The following SCMH1 variants were observed in gnomAD, a reference collection of about 807,000 sequenced individuals.
SCMH1 encodes polycomb protein SCMH1.
In SCMH1, 37 loss-of-function variants were observed where a neutral mutation model predicts 70.8. That is an observed-to-expected ratio of 0.52 (90% CI 0.40 to 0.69). The LOEUF (loss-of-function observed/expected upper bound fraction) is 0.69. Ranked by LOEUF, SCMH1 falls within the 30% of genes least tolerant of loss-of-function variation. The probability of loss-of-function intolerance (pLI) is 0.00; values close to 1 mark genes in which losing one functional copy is unlikely to be tolerated. For synonymous variants in SCMH1, 292 were observed against 307.4 expected, an observed-to-expected ratio of 0.95 and a Z score of 0.52; for missense variants, 607 against 827.3, an observed-to-expected ratio of 0.73 and a Z score of 3.27.
At chr1:41,194,740 A>C (rs1249859224) in intron 1 of SCMH1, among the ~76,000 whole-genome samples, 2 of 151,980 alleles carry the variant, frequency 1.3e-5, no homozygotes, top group Non-Finnish European at 2.9e-5. Flanking sequence ...ATTTGACTTT[A>C]AAGGTGCATC....
chr1:41,194,968 C>G lies in SCMH1; in HGVS notation c.-117-8718G>C, dbSNP rs529529949. On this transcript the variant is annotated intron_variant, in intron 1 of 14. Coordinates refer to ENST00000337495, the Ensembl canonical transcript of SCMH1. ...GCAACCTGGAGAAACCCCATCTCTA[C>G]TAAAAATACAAAATTAGCTGCGCTT... Among the ~76,000 whole-genome samples, 8 of 151,820 alleles carry G rather than the reference C, an allele frequency of 5.3e-5. No homozygotes were observed. In the South Asian group the frequency reaches 1.2e-3, roughly 24 times the overall value.
At chr1:41,075,155 CG>C in intron 9 of SCMH1, 63 bp downstream of exon 9, 1 of 1,520,738 alleles carries the variant, frequency 6.6e-7, no homozygotes, top group South Asian at 1.1e-5. Flanking sequence ...TGAGCCACGG[CG>C]CCTGGCCGAA....
exon 3 of SCMH1, chr1:41,161,379 C>G: frequency 6.4e-7 from 1 of 1,550,480 alleles, no homozygotes; most frequent in South Asian, 1.2e-5. Context: ...TATTGGGATG[C>G]AGACTCTGAT....
chr1:41,173,240 C>CA (rs1446682984), intron 2 of SCMH1, among the ~76,000 whole-genome samples: 1 of 151,374 alleles, frequency 6.6e-6, no homozygotes, highest in Admixed American at 6.6e-5. Flanking sequence ...CAAACAACAG[C>CA]AAAAAACAAA....
At chr1:41,094,280 T>A (rs1664473540) in intron 8 of SCMH1, among the ~76,000 whole-genome samples, 1 of 152,202 alleles carries the variant, frequency 6.6e-6, no homozygotes, top group African/African-American at 2.4e-5. Context: ...GGCAATCAAG[T>A]ATATCATTAC....
rs1660234881 is a variant in SCMH1, at chr1:41,226,155, A to T, written c.-118+15904T>A. On this transcript the variant is annotated intron_variant, in intron 1 of 14. Coordinates refer to ENST00000337495, the Ensembl canonical transcript of SCMH1. ...TTAACAGAATAATTTTATGTCATTA[A>T]ATCTTATAAGATTTTGAGGTTTATA... 3.9e-5 allele frequency among the ~76,000 whole-genome samples: 6 copies of T among 152,338 alleles called. No homozygotes were observed. The South Asian group carries it at 1.2e-3, about 32-fold the overall frequency.
At chr1:41,193,635 T>G (rs1263597240) in intron 1 of SCMH1, among the ~76,000 whole-genome samples, 1 of 152,060 alleles carries the variant, frequency 6.6e-6, no homozygotes, top group South Asian at 2.1e-4. Context: ...GAATTGAACA[T>G]AGAAATGGAA....
rs530963735 is a variant in SCMH1, at chr1:41,055,926, T to C, written c.1106-7036A>G. ...AAAGGATGAGACTTCTGATGGGGCA[T>C]CTTGTGAGGGCAAGAATAAATTTTG... On this transcript the variant is annotated intron_variant, in intron 10 of 14. Transcript: ENST00000337495. Among the ~76,000 whole-genome samples the C allele has an allele frequency of 8.5e-4, 130 of 152,316 alleles. 1 individual carries two copies. Among genetic ancestry groups the C allele is most frequent in the African/African-American group, 2.7e-3 (113 of 41,576 alleles).
intron 8 of SCMH1, among the ~76,000 whole-genome samples, chr1:41,075,728 G>A (rs1175502734): frequency 6.6e-6 from 1 of 152,174 alleles, no homozygotes; most frequent in Non-Finnish European, 1.5e-5. Context: ...AGTCAAAGGT[G>A]AAGTATATAA....
intron 2 of SCMH1, among the ~76,000 whole-genome samples, chr1:41,170,769 C>T (rs1041383022): frequency 6.6e-6 from 1 of 152,100 alleles, no homozygotes; most frequent in Non-Finnish European, 1.5e-5. Flanking sequence ...ACAGTTATTG[C>T]TACCTCACAG....
chr1:41,213,929 G>A (rs1176057293), intron 1 of SCMH1, among the ~76,000 whole-genome samples: 1 of 151,960 alleles, frequency 6.6e-6, no homozygotes, highest in Non-Finnish European at 1.5e-5. Flanking sequence ...TGAAGCTGCT[G>A]TCTCAAAGCT....
At chr1:41,204,616 C>T (rs1402723645) in intron 1 of SCMH1, among the ~76,000 whole-genome samples, 1 of 152,212 alleles carries the variant, frequency 6.6e-6, no homozygotes, top group Non-Finnish European at 1.5e-5. Flanking sequence ...ATTCACATGT[C>T]TGGCTTTTCA....
chr1:41,052,802 G>A lies in SCMH1; in HGVS notation c.1106-3912C>T, dbSNP rs779136960. ...TGGTGATAAAAATCAGCATAAAGGT[G>A]GAAGTGGAGACCAACTGTAAGGAGG... On this transcript the variant is annotated intron_variant, in intron 10 of 14. Transcript: ENST00000337495. Among the ~76,000 whole-genome samples, 65 of 152,240 alleles carry A rather than the reference G, an allele frequency of 4.3e-4. 1 individual carries two copies. Among genetic ancestry groups the A allele is most frequent in the Non-Finnish European group, 3.1e-4 (21 of 68,016 alleles).
At chr1:41,217,525 C>G (rs879052153) in intron 1 of SCMH1, among the ~76,000 whole-genome samples, 1 of 152,094 alleles carries the variant, frequency 6.6e-6, no homozygotes, top group Admixed American at 6.5e-5. Flanking sequence ...ATTCACAAAC[C>G]CAGTCAATCA....
intron 5 of SCMH1, among the ~76,000 whole-genome samples, chr1:41,146,953 T>A (rs1366915837): frequency 2.0e-5 from 3 of 152,086 alleles, no homozygotes; most frequent in Non-Finnish European, 4.4e-5. Context: ...TATATAAATT[T>A]TTCGTATTTG....
chr1:41,172,381 G>A (rs1199122132), intron 2 of SCMH1, among the ~76,000 whole-genome samples: 1 of 151,814 alleles, frequency 6.6e-6, no homozygotes, highest in Non-Finnish European at 1.5e-5. Context: ...TATCCAAGGA[G>A]GTGAAAGATC....
At chr1:41,076,191 C>A (rs1450320519) in intron 8 of SCMH1, among the ~76,000 whole-genome samples, 1 of 152,154 alleles carries the variant, frequency 6.6e-6, no homozygotes, top group East Asian at 1.9e-4. Context: ...CTCTATTACT[C>A]TTTGTCAGAC....
chr1:41,234,664 C>T (rs1470506251), intron 1 of SCMH1, among the ~76,000 whole-genome samples: 2 of 151,514 alleles, frequency 1.3e-5, no homozygotes, highest in African/African-American at 2.4e-5. Context: ...TTAGTAGAGA[C>T]GGGGTTTCAC....
At chr1:41,142,665 G>A (rs1292742452) in intron 6 of SCMH1, among the ~76,000 whole-genome samples, 4 of 152,174 alleles carry the variant, frequency 2.6e-5, no homozygotes, top group African/African-American at 9.7e-5. Flanking sequence ...TTGTTAGAAA[G>A]AATTTGGAAG....
Sources: gnomAD v4.1 joint callset for allele counts (sites outside exome capture counted in the v4.1 genomes callset) on GRCh38, gnomAD v4.1.1 for gene constraint, MANE v1.5 for transcripts, NCBI Gene and HGNC (gene_info 2026-07-23, HGNC 2026-07-21) for gene names.